Variants in RIMS1 observed in about 807,000 individuals in gnomAD.
RIMS1 encodes the protein regulating synaptic membrane exocytosis 1, also known as regulating synaptic membrane exocytosis protein 1.
Under a neutral mutation model 214.1 loss-of-function variants are expected in RIMS1, and 83 were observed. That is an observed-to-expected ratio of 0.39 (90% confidence interval 0.32 to 0.47). The LOEUF (loss-of-function observed/expected upper bound fraction) is 0.47, where lower values mean the gene tolerates loss of function less well. Ranked by LOEUF, RIMS1 falls within the 20% of genes least tolerant of loss-of-function variation. RIMS1 has a pLI of 0.99. For synonymous variants in RIMS1, 793 were observed against 786.8 expected, an observed-to-expected ratio of 1.01 and a Z score of -0.13; for missense variants, 2,050 against 2,161.8, an observed-to-expected ratio of 0.95 and a Z score of 1.03.
At chr6:72,244,961 A>C (rs530898895) in intron 10 of RIMS1, among the ~76,000 whole-genome samples, 17 of 152,080 alleles carry the variant, frequency 1.1e-4, no homozygotes, top group African/African-American at 4.1e-4. Context: ...ATGTCATGTT[A>C]ATATTTGCAT....
intron 4 of RIMS1, among the ~76,000 whole-genome samples, chr6:72,173,474 C>T (rs997444331): frequency 6.6e-6 from 1 of 151,498 alleles, no homozygotes; most frequent in South Asian, 2.1e-4. Context: ...ATCTCTCTAA[C>T]GTTTTATCTC....
intron 6 of RIMS1, among the ~76,000 whole-genome samples, chr6:72,202,622 G>C (rs930760443): frequency 6.6e-6 from 1 of 152,176 alleles, no homozygotes; most frequent in African/African-American, 2.4e-5. Context: ...ATATTCATAG[G>C]AGGAAAGAGA....
At chr6:72,230,685 A>G (rs2061667008) in intron 6 of RIMS1, among the ~76,000 whole-genome samples, 2 of 151,612 alleles carry the variant, frequency 1.3e-5, no homozygotes, top group African/African-American at 4.8e-5. Context: ...TTTAGGAAAC[A>G]CTGGTTCTCT....
intron 2 of RIMS1, among the ~76,000 whole-genome samples, chr6:72,029,390 T>G (rs1270251622): frequency 6.6e-6 from 1 of 152,164 alleles, no homozygotes; most frequent in Non-Finnish European, 1.5e-5. Context: ...ATTGCCAATG[T>G]AAGAGGTTGG....
chr6:71,950,395 A>G (rs1352077973), intron 1 of RIMS1, among the ~76,000 whole-genome samples: 1 of 152,176 alleles, frequency 6.6e-6, no homozygotes, highest in Non-Finnish European at 1.5e-5. Flanking sequence ...AAGCAGTTAT[A>G]ATGGAAACCT....
chr6:72,248,799 T>G (rs780436839), intron 12 of RIMS1, among the ~76,000 whole-genome samples: 1 of 152,116 alleles, frequency 6.6e-6, no homozygotes, highest in Non-Finnish European at 1.5e-5. Context: ...GTGGTTTGCC[T>G]TTGTGGTTTT....
At chr6:72,248,585 C>G (rs2071415677) in intron 12 of RIMS1, among the ~76,000 whole-genome samples, 1 of 152,106 alleles carries the variant, frequency 6.6e-6, no homozygotes, top group Admixed American at 6.6e-5. Context: ...GAAAAAGCTA[C>G]CATTTTCTCA....
rs1268854984 is a variant in RIMS1 at position 72,111,109 on chromosome 6, T to A, written c.471+11123T>A. Among the ~76,000 whole-genome samples, 3 of 152,164 alleles carry A rather than the reference T, an allele frequency of 2.0e-5. No homozygotes were observed. In the East Asian group the frequency reaches 5.8e-4, roughly 29 times the overall value. ...CTTGTATTCAAGATAAAAGAAAAAA[T>A]TGTATAAAGACATGGATAATTGGCA... On this transcript the variant is annotated intron_variant, in intron 4 of 33. Transcript: ENST00000521978.
intron 19 of RIMS1, chr6:72,263,395 A>G (rs1344720614): frequency 2.0e-6 from 2 of 981,330 alleles, no homozygotes; most frequent in African/African-American, 1.8e-5. Flanking sequence ...AGTGGAAGTT[A>G]TTTCCCACAT....
chr6:72,263,229 G>T, intron 19 of RIMS1: 1 of 984,780 alleles, frequency 1.0e-6, no homozygotes, highest in Non-Finnish European at 1.2e-6. Context: ...AAATCTGTAT[G>T]TTTAGTTTCT....
chr6:72,358,058 A>G (rs1161537463), intron 29 of RIMS1, among the ~76,000 whole-genome samples: 2 of 126,732 alleles, frequency 1.6e-5, no homozygotes, highest in African/African-American at 5.3e-5. Context: ...TTTAAACAGT[A>G]TCACCACCTT....
In RIMS1 at chr6:72,238,037, G is replaced by C. The variant is rs1438164497; in HGVS notation, c.1957+115G>C. 5.9e-6 allele frequency: 3 copies of C among 510,098 alleles called. No homozygotes were observed. The East Asian group carries it at 9.5e-5, about 16-fold the overall frequency. The allele number at this position is 510,098 out of a possible 1,614,324, so 31.6% of individuals were successfully genotyped here. A position where few individuals can be genotyped will look rare whatever the true frequency, so the allele number is the denominator to read the frequency against. On this transcript the variant is annotated intron_variant, in intron 9 of 33. Coordinates refer to ENST00000521978, the MANE Select transcript of RIMS1 (RefSeq NM_014989.7). ...TACATACATACATACATGTATGTAT[G>C]TATATATCAATTAAGTCACTAAATT...
intron 1 of RIMS1, among the ~76,000 whole-genome samples, chr6:71,937,087 T>C (rs9350444): frequency 0.87 from 131,892 of 151,994 alleles, 57,318 homozygotes; most frequent in East Asian, 1. Flanking sequence ...GCTTTTCTGC[T>C]TCAACTTACC....
chr6:71,986,507 A>G (rs986824467), intron 2 of RIMS1, among the ~76,000 whole-genome samples: 10 of 152,178 alleles, frequency 6.6e-5, no homozygotes, highest in Non-Finnish European at 1.2e-4. Context: ...GGAGAAGAGC[A>G]TGGATTATAA....
chr6:72,216,634 T>G, intron 6 of RIMS1: 2 of 985,574 alleles, frequency 2.0e-6, no homozygotes, highest in Non-Finnish European at 2.4e-6. Flanking sequence ...ACCAAATCAT[T>G]TCAGGTGAGT....
chr6:72,345,514 C>T (rs1394644491), intron 29 of RIMS1, among the ~76,000 whole-genome samples: 1 of 151,786 alleles, frequency 6.6e-6, no homozygotes, highest in Non-Finnish European at 1.5e-5. Context: ...TGAGGTATCA[C>T]AACTCTTAAA....
chr6:72,366,979 C>A, intron 29 of RIMS1: 1 of 378,992 alleles, frequency 2.6e-6, no homozygotes, highest in Non-Finnish European at 3.6e-6. Context: ...CTGAAGCTTT[C>A]AGTGTTGTTT....
chr6:72,307,648 G>C (rs2095289290), intron 27 of RIMS1, among the ~76,000 whole-genome samples: 1 of 152,124 alleles, frequency 6.6e-6, no homozygotes, highest in Admixed American at 6.6e-5. Context: ...TTGGGAGGCT[G>C]AGGTAGGAGA....
chr6:72,245,766 G>A (rs1298638159), intron 10 of RIMS1, 49 bp from the exon 11 acceptor site: 9 of 1,437,100 alleles, frequency 6.3e-6, no homozygotes, highest in Non-Finnish European at 8.8e-6. Context: ...ATTGCCTCAG[G>A]CAGGGTCATT....
Sources: gnomAD v4.1 joint callset for allele counts (sites outside exome capture counted in the v4.1 genomes callset) on GRCh38, gnomAD v4.1.1 for gene constraint, MANE v1.5 for transcripts, NCBI Gene and HGNC (gene_info 2026-07-23, HGNC 2026-07-21) for gene names.